Variants in SPIRE2 observed in about 807,000 individuals in gnomAD.
SPIRE2 encodes spire type actin nucleation factor 2.
In SPIRE2, 76 loss-of-function variants were observed where a neutral mutation model predicts 80.7. The observed-to-expected ratio is 0.94, with a 90% confidence interval of 0.78 to 1.14. The LOEUF is 1.14. Ranked by LOEUF, SPIRE2 falls within the 50% of genes most tolerant of loss-of-function variation. The probability of loss-of-function intolerance (pLI) is 0.00; values close to 1 mark genes in which losing one functional copy is unlikely to be tolerated. For synonymous variants in SPIRE2, 535 were observed against 432.6 expected (o/e 1.24, Z -2.94); for missense variants, 1,196 against 1,015.3 (o/e 1.18, Z -2.42).
Position 89,871,106 on chromosome 16 carries a change from C to T in SPIRE2, c.*834C>T. 1 of 151,210 alleles carries T rather than the reference C, an allele frequency of 6.6e-6. No homozygotes were observed. The highest frequency in any genetic ancestry group is 1.5e-5 in the Non-Finnish European group (1 of 68,448). 9.4% of individuals were successfully genotyped at this position (151,210 alleles called of 1,614,324 possible). On this transcript the variant is annotated 3_prime_UTR_variant, in exon 15 of 15. Coordinates refer to ENST00000378247, the MANE Select transcript of SPIRE2 (RefSeq NM_032451.2). ...GTCTCGAAAAAAAAAAAGGTCCGTGCCAAGCTGCTCCCTGCCCTTGCCCTT... is the reference window on the plus strand; with the variant it reads ...GTCTCGAAAAAAAAAAAGGTCCGTGTCAAGCTGCTCCCTGCCCTTGCCCTT...
intron 2 of SPIRE2, among the ~76,000 whole-genome samples, chr16:89,849,466 T>C (rs1322512463): frequency 6.6e-6 from 1 of 152,220 alleles, no homozygotes; most frequent in African/African-American, 2.4e-5. Context: ...TATATTTGTG[T>C]GTGTGGGTCT....
chr16:89,835,177 G>C (rs1272595948), intron 1 of SPIRE2, among the ~76,000 whole-genome samples: 1 of 144,082 alleles, frequency 6.9e-6, no homozygotes, highest in Non-Finnish European at 1.5e-5. Flanking sequence ...GCGTGGATAA[G>C]CATAGCCCGT....
rs774184541 is a variant in SPIRE2, at chr16:89,856,215, G to T, written c.1081G>T (p.Gly361Cys). Reference protein sequence around the residue: ...KQERRLRPVRGEGWAARGFGS... With the variant: ...KQERRLRPVRCEGWAARGFGS... ...GGAGCGGAGGCTGCGCCCGGTGCGG[G>T]GCGAGGGCTGGGCTGCCCGCGGTGA... is the stretch of plus-strand genomic sequence containing the variant. The change falls in exon 7 of 15, where the codon GGC becomes TGC. Residue 361 changes from glycine to cysteine, a missense_variant. Coordinates refer to ENST00000378247, the MANE Select transcript of SPIRE2 (RefSeq NM_032451.2). 2.5e-6 allele frequency: 4 copies of T among 1,586,512 alleles called. No individual in the cohort carries two copies. The Admixed American group carries it at 7.3e-5, about 29-fold the overall frequency.
At position 89,863,954 on chromosome 16, in the gene SPIRE2, G is replaced by C; in HGVS notation, c.1778+93G>C. On this transcript the variant is annotated intron_variant, in intron 12 of 14. Transcript: ENST00000378247. The surrounding 1 kb of genome is among the most constrained non-coding windows in gnomAD (Gnocchi z 4.3). ...CCCACAGAACTTCCTGTGATTCCAG[G>C]AATGTTCTAGCATGTTCGATGGCTG... The C allele has an allele frequency of 1.1e-6, 1 of 936,446 alleles. No homozygotes were observed. Among genetic ancestry groups the C allele is most frequent in the Non-Finnish European group, 1.7e-6 (1 of 597,310 alleles). The allele number at this position is 936,446 out of a possible 1,614,324, so 58.0% of individuals were successfully genotyped here.
Position 89,855,677 on chromosome 16 carries a change from A to C in SPIRE2, c.969A>C (p.Pro323=). ...TGGACTTTATCCGCTCACGGCCTCC[A>C]CTGAAGCAGGTGCTGCCCCAGCCTC... ...LILDFIRSRP[P]LKQVSERRLR... Residue 323 remains proline (P), a synonymous_variant, in exon 6 of 15, where the codon CCA becomes CCC. Transcript: ENST00000378247. 1 of 1,612,640 alleles carries C rather than the reference A, an allele frequency of 6.2e-7. No individual in the cohort carries two copies. The highest frequency in any genetic ancestry group is 8.5e-7 in the Non-Finnish European group (1 of 1,179,880).
At chr16:89,864,210 G>A (rs889960124) in intron 12 of SPIRE2, among the ~76,000 whole-genome samples, 4 of 152,150 alleles carry the variant, frequency 2.6e-5, no homozygotes, top group African/African-American at 9.7e-5. Flanking sequence ...ATTGCCTGGA[G>A]AGTTTCTAGG....
At chr16:89,853,955 C>A (rs750082622) in intron 3 of SPIRE2, among the ~76,000 whole-genome samples, 1 of 152,264 alleles carries the variant, frequency 6.6e-6, no homozygotes, top group Non-Finnish European at 1.5e-5. Flanking sequence ...GAGCCCCAGA[C>A]GCTACTCAGA....
intron 7 of SPIRE2, among the ~76,000 whole-genome samples, chr16:89,857,260 T>C (rs988353202): frequency 8.0e-5 from 12 of 150,596 alleles, no homozygotes; most frequent in Non-Finnish European, 7.4e-5. Flanking sequence ...CCTCAGCCTC[T>C]CGAGTAGTGT....
At chr16:89,842,229 T>TTTTTTTTTC (rs1299656862) in intron 1 of SPIRE2, among the ~76,000 whole-genome samples, 2,662 of 137,302 alleles carry the variant, frequency 0.019, 269 homozygotes, top group African/African-American at 0.078. Flanking sequence ...TTTTTTTTTT[T>TTTTTTTTTC]TGTGACGGAG....
chr16:89,859,057 A>G (rs1473970185), intron 8 of SPIRE2, 108 bp from the exon 9 acceptor site: 4 of 1,032,058 alleles, frequency 3.9e-6, no homozygotes, highest in Non-Finnish European at 5.5e-6. Context: ...GCTGCCCCAC[A>G]TCGCAGCAGA....
At chr16:89,850,691 G>A in intron 3 of SPIRE2, 31 bp downstream of exon 3, 1 of 1,392,390 alleles carries the variant, frequency 7.2e-7, no homozygotes, top group Non-Finnish European at 9.4e-7. Context: ...ACCGTGGAGG[G>A]TCCGGGAGGC....
In SPIRE2 at chr16:89,828,689, G is replaced by A. The variant is rs751963468; in HGVS notation, c.139G>A (p.Gly47Ser). Residue 47 changes from glycine (G) to serine (S), a missense_variant, in exon 1 of 15, where the codon GGC (glycine) becomes AGC (serine). Gly to Ser is a moderately conservative substitution (Grantham distance 56). Coordinates refer to ENST00000378247, the MANE Select transcript of SPIRE2 (RefSeq NM_032451.2). The surrounding 1 kb of genome is among the most constrained non-coding windows in gnomAD (Gnocchi z 5.9). ...GCAGGCGTGGGCCGTGTGCTTCCAG[G>A]GCTGCCGCGGGCTGCGGGGCTCGCC... ...EEQAWAVCFQ[G>S]CRGLRGSPGR... 3.1e-6 allele frequency: 4 copies of A among 1,298,720 alleles called. No individual in the cohort carries two copies. Among genetic ancestry groups the A allele is most frequent in the African/African-American group, 1.5e-5 (1 of 65,380 alleles). 80.4% of individuals were successfully genotyped at this position (1,298,720 alleles called of 1,614,324 possible).
At chr16:89,849,207 C>G (rs1010164273) in intron 2 of SPIRE2, among the ~76,000 whole-genome samples, 1 of 152,254 alleles carries the variant, frequency 6.6e-6, no homozygotes, top group African/African-American at 2.4e-5. Flanking sequence ...AGGAAGTGGA[C>G]AGTGCCTGGG....
chr16:89,851,821 A>T (rs2041630700), intron 3 of SPIRE2, among the ~76,000 whole-genome samples: 1 of 152,022 alleles, frequency 6.6e-6, no homozygotes, highest in South Asian at 2.1e-4. Flanking sequence ...GTGTTTTCGA[A>T]GTTAACTAGT....
intron 2 of SPIRE2, chr16:89,847,208 G>T (rs2041570400): frequency 6.6e-6 from 1 of 152,212 alleles, no homozygotes; most frequent in Non-Finnish European, 1.5e-5. Context: ...AGAACCTCGG[G>T]GCGGGGATGT....
intron 1 of SPIRE2, chr16:89,836,553 C>G (rs1167274609): frequency 1.9e-5 from 4 of 210,000 alleles, no homozygotes; most frequent in African/African-American, 4.5e-5. Flanking sequence ...TAAGCAGACA[C>G]CAACGTTTGT....
chr16:89,853,214 G>A (rs1597217986), intron 3 of SPIRE2, among the ~76,000 whole-genome samples: 2 of 152,182 alleles, frequency 1.3e-5, no homozygotes, highest in Non-Finnish European at 2.9e-5. Context: ...TGTTGCCCAG[G>A]CTGGTCTCAA....
chr16:89,854,684 A>G (rs764611815), intron 5 of SPIRE2, 33 bp downstream of exon 5: 1 of 1,599,160 alleles, frequency 6.3e-7, no homozygotes, highest in South Asian at 1.1e-5. Context: ...GGCAGCCTGG[A>G]TGCAGAGGTC....
At position 89,853,298 on chromosome 16, in the gene SPIRE2, C is replaced by T. The variant is rs939516222; in HGVS notation, c.646-988C>T. The stretch of plus-strand genomic sequence containing the variant: ...GGTTACAGCTATGAGCCACTGTTCC[C>T]GGCCAGAAAGCACTTTCTTTAGGAG... On this transcript the variant is annotated intron_variant, in intron 3 of 14. Transcript: ENST00000378247. Among the ~76,000 whole-genome samples, 5 of 110,248 alleles carry T rather than the reference C, an allele frequency of 4.5e-5. No individual in the cohort carries two copies. In the East Asian group the frequency reaches 1.1e-3, roughly 24 times the overall value. The allele number at this position is 110,248 out of a possible 152,430, so 72.3% of individuals were successfully genotyped here.
Sources: allele counts gnomAD v4.1 joint callset (sites outside exome capture counted in the v4.1 genomes callset), GRCh38; gene constraint gnomAD v4.1.1; non-coding constraint Gnocchi (gnomAD v3.1); transcripts MANE v1.5; gene names NCBI Gene and HGNC (gene_info 2026-07-23, HGNC 2026-07-21).